The following DYNAP variants were observed in gnomAD, a reference collection of about 807,000 sequenced individuals.
The protein encoded by DYNAP is dynactin-associated protein.
A neutral mutation model predicts 8.5 loss-of-function variants in DYNAP; 7 were observed. The ratio of observed to expected loss-of-function variants is 0.82; its 90% CI spans 0.47 to 1.54. DYNAP has a LOEUF of 1.54. Ranked by LOEUF, DYNAP falls within the 40% of genes most tolerant of loss-of-function variation. The pLI is 0.01. For missense variants in DYNAP, 256 were observed against 224.3 expected (o/e 1.14, Z -0.90); for synonymous variants, 77 against 77.9 (o/e 0.99, Z 0.06).
upstream of DYNAP, among the ~76,000 whole-genome samples, chr18:54,588,201 G>A (rs927891597): frequency 6.8e-6 from 1 of 147,500 alleles, no homozygotes; most frequent in Non-Finnish European, 1.5e-5. Flanking sequence ...AAACAGTTGG[G>A]AATAATTTTT....
At chr18:54,594,440 A>G (rs1911203434) in intron 1 of DYNAP, among the ~76,000 whole-genome samples, 1 of 152,180 alleles carries the variant, frequency 6.6e-6, no homozygotes, top group Non-Finnish European at 1.5e-5. Context: ...TAGCATAAGA[A>G]TATACTATTC....
At chr18:54,579,959 A>G in the DYNAP span, among the ~76,000 whole-genome samples, 1 of 152,210 alleles carries the variant, frequency 6.6e-6, no homozygotes, top group African/African-American at 2.4e-5. Flanking sequence ...GGATATTTTG[A>G]TGTAATGAGG....
upstream of DYNAP, among the ~76,000 whole-genome samples, chr18:54,588,922 T>C (rs1408498474): frequency 1.3e-5 from 2 of 152,332 alleles, no homozygotes; most frequent in Non-Finnish European, 2.9e-5. Flanking sequence ...GGATCTTTCA[T>C]GCTTTTTGGG....
At chr18:54,585,435 G>A (rs1384422967), upstream of DYNAP, among the ~76,000 whole-genome samples, 3 of 151,808 alleles carry the variant, frequency 2.0e-5, no homozygotes, top group South Asian at 2.1e-4. Context: ...TCTACCTCCA[G>A]ACCACTCTTC....
At chr18:54,583,645 A>T (rs192549405), upstream of DYNAP, among the ~76,000 whole-genome samples, 3 of 152,350 alleles carry the variant, frequency 2.0e-5, no homozygotes, top group Admixed American at 2.0e-4. Context: ...AAACTCAATA[A>T]TAACAAATAA....
At chr18:54,587,988 T>A (rs1910939496), upstream of DYNAP, 1 of 394,508 alleles carries the variant, frequency 2.5e-6, no homozygotes, top group Admixed American at 4.4e-5. Context: ...TTTCTCTAAT[T>A]CCAACATACA....
At chr18:54,591,766 T>C (rs1308103849) in intron 1 of DYNAP, among the ~76,000 whole-genome samples, 1 of 152,130 alleles carries the variant, frequency 6.6e-6, no homozygotes, top group Non-Finnish European at 1.5e-5. Context: ...ATTCTAGATA[T>C]TAATATTCCT....
chr18:54,589,063 A>G (rs1910975218), upstream of DYNAP, among the ~76,000 whole-genome samples: 1 of 152,196 alleles, frequency 6.6e-6, no homozygotes, highest in Admixed American at 6.5e-5. Flanking sequence ...GTTTATCAGT[A>G]GACCAAAGAA....
chr18:54,586,638 G>T (rs370786701), upstream of DYNAP, among the ~76,000 whole-genome samples: 2 of 152,142 alleles, frequency 1.3e-5, no homozygotes, highest in African/African-American at 4.8e-5. Flanking sequence ...CCTTCTTAGG[G>T]CTCAGTGTGG....
the DYNAP span, among the ~76,000 whole-genome samples, chr18:54,581,477 A>G: frequency 6.6e-6 from 1 of 152,212 alleles, no homozygotes; most frequent in Non-Finnish European, 1.5e-5. Context: ...GCAGGAATGT[A>G]TGTTTATAAA....
intron 1 of DYNAP, among the ~76,000 whole-genome samples, chr18:54,594,534 C>A (rs1041729993): frequency 6.6e-6 from 1 of 152,238 alleles, no homozygotes; most frequent in Admixed American, 6.5e-5. Context: ...GATGACAAAT[C>A]ATTTCAACTC....
Position 54,598,198 on chromosome 18 carries a change from A to AACTATAATGC in DYNAP, c.*56_*57insATAATGCACT. The AACTATAATGC allele has an allele frequency of 6.5e-7, 1 of 1,542,388 alleles. No individual in the cohort carries two copies. Among genetic ancestry groups the AACTATAATGC allele is most frequent in the Non-Finnish European group, 8.8e-7 (1 of 1,138,608 alleles). The stretch of plus-strand genomic sequence containing the variant: ...CTGAAACTTCAACCTCTACCACTTC[A>AACTATAATGC]ACTCAGTTTGCAACTATAATAGCTA... On this transcript the variant is annotated 3_prime_UTR_variant, in exon 3 of 3. Coordinates refer to ENST00000648945, the MANE Select transcript of DYNAP (RefSeq NM_173629.3).
intron 2 of DYNAP, among the ~76,000 whole-genome samples, chr18:54,597,026 G>A (rs1051892467): frequency 6.6e-6 from 1 of 151,984 alleles, no homozygotes; most frequent in Non-Finnish European, 1.5e-5. Context: ...TATGAGTTTT[G>A]TATTCTATTC....
upstream of DYNAP, among the ~76,000 whole-genome samples, chr18:54,586,537 A>T (rs1910886329): frequency 6.6e-6 from 1 of 152,152 alleles, no homozygotes; most frequent in African/African-American, 2.4e-5. Flanking sequence ...ATGAATCTTG[A>T]TACATGTCAT....
chr18:54,592,188 C>T (rs1230185312), intron 1 of DYNAP, among the ~76,000 whole-genome samples: 1 of 151,764 alleles, frequency 6.6e-6, no homozygotes, highest in Non-Finnish European at 1.5e-5. Flanking sequence ...AAGATCTTCA[C>T]TCCCTGGGCT....
rs1911427486 is a variant in DYNAP, at chr18:54,599,007, A to T, written c.*862A>T. ...ACCAATTGTCAACCAGAACATGTTT[A>T]AATTTACCTATAGCCTGGAAGCCCC... On this transcript the variant is annotated 3_prime_UTR_variant, in exon 3 of 3. Coordinates refer to ENST00000648945, the MANE Select transcript of DYNAP (RefSeq NM_173629.3). 1 of 152,166 alleles carries T rather than the reference A, an allele frequency of 6.6e-6. No homozygotes were observed. Among genetic ancestry groups the T allele is most frequent in the South Asian group, 2.1e-4 (1 of 4,830 alleles). The allele number at this position is 152,166 out of a possible 1,614,324, so 9.4% of individuals were successfully genotyped here.
At chr18:54,595,207 T>A in intron 2 of DYNAP, 104 bp downstream of exon 2, 2 of 1,281,276 alleles carry the variant, frequency 1.6e-6, no homozygotes, top group Non-Finnish European at 2.1e-6. Context: ...ACTTAATTCA[T>A]TTATATTTGT....
the DYNAP span, among the ~76,000 whole-genome samples, chr18:54,576,861 A>G: frequency 6.6e-6 from 1 of 152,166 alleles, no homozygotes; most frequent in Non-Finnish European, 1.5e-5. Context: ...TACAAAAACA[A>G]AAAGGACAAA....
upstream of DYNAP, among the ~76,000 whole-genome samples, chr18:54,588,457 A>T (rs377577143): frequency 8.9e-4 from 135 of 152,196 alleles, no homozygotes; most frequent in African/African-American, 3.0e-3. Context: ...TGCCCACCTC[A>T]GCCTCCCAAA....
Sources: gnomAD v4.1 joint callset for allele counts (sites outside exome capture counted in the v4.1 genomes callset) on GRCh38, gnomAD v4.1.1 for gene constraint, MANE v1.5 for transcripts, NCBI Gene and HGNC (gene_info 2026-07-23, HGNC 2026-07-21) for gene names.